CHD9: variants seen among roughly 807,000 people sequenced by gnomAD.
CHD9 encodes ATP-dependent chromatin remodeler CHD9.
In CHD9, 77 loss-of-function variants were observed where a neutral mutation model predicts 316.1. The observed-to-expected ratio is 0.24, with a 90% CI of 0.20 to 0.29. The LOEUF (loss-of-function observed/expected upper bound fraction) is 0.29. CHD9 is among the 10% of genes least tolerant of loss of function. The probability of loss-of-function intolerance (pLI) is 1.00; values close to 1 mark genes in which losing one functional copy is unlikely to be tolerated. For missense variants in CHD9, 2,763 were observed against 3,438.1 expected (o/e 0.80, Z 4.91); for synonymous variants, 1,129 against 1,158.3 (o/e 0.97, Z 0.51).
At chr16:53,138,575 A>G (rs2039884301) in intron 1 of CHD9, among the ~76,000 whole-genome samples, 1 of 152,364 alleles carries the variant, frequency 6.6e-6, no homozygotes, top group South Asian at 2.1e-4. Context: ...GAAGATTCTT[A>G]AAGCACTCAA....
At chr16:53,240,385 A>G (rs758178335) in intron 12 of CHD9, among the ~76,000 whole-genome samples, 1 of 152,186 alleles carries the variant, frequency 6.6e-6, no homozygotes, top group Non-Finnish European at 1.5e-5. Flanking sequence ...TTTGGCATAA[A>G]TATGATAGCC....
chr16:53,270,044 G>T (rs2052085421), intron 22 of CHD9, among the ~76,000 whole-genome samples: 1 of 151,958 alleles, frequency 6.6e-6, no homozygotes, highest in African/African-American at 2.4e-5. Flanking sequence ...TCGTTCTGTT[G>T]CCCAAGCTAG....
At chr16:53,301,678 T>A (rs532485431) in intron 30 of CHD9, among the ~76,000 whole-genome samples, 1 of 152,116 alleles carries the variant, frequency 6.6e-6, no homozygotes, top group East Asian at 1.9e-4. Flanking sequence ...TTTTTTGTTT[T>A]GAACTACTTT....
chr16:53,194,454 G>A (rs1302489053), intron 2 of CHD9, among the ~76,000 whole-genome samples: 1 of 151,998 alleles, frequency 6.6e-6, no homozygotes, highest in Non-Finnish European at 1.5e-5. Context: ...CAGGCCTGTA[G>A]TCTCAGCTAC....
chr16:53,300,755 G>A (rs775524730), intron 30 of CHD9, among the ~76,000 whole-genome samples: 18 of 152,210 alleles, frequency 1.2e-4, no homozygotes, highest in Non-Finnish European at 2.2e-4. Flanking sequence ...AACCAGTGCA[G>A]GCACAGATGC....
intron 1 of CHD9, among the ~76,000 whole-genome samples, chr16:53,075,137 G>A (rs1414451545): frequency 6.6e-6 from 1 of 152,160 alleles, no homozygotes; most frequent in Non-Finnish European, 1.5e-5. Flanking sequence ...AAATTTGACT[G>A]CCCTGATGGA....
rs377261870 is a variant in CHD9 at position 53,242,998 on chromosome 16, C to G, written c.3036C>G (p.Gly1012=). The G allele has an allele frequency of 6.2e-6, 10 of 1,604,966 alleles. No homozygotes were observed. Among genetic ancestry groups the G allele is most frequent in the Admixed American group, 1.7e-5 (1 of 59,350 alleles). Residue 1012 remains glycine (G), a synonymous_variant, in exon 13 of 39, where the codon GGC becomes GGG. Coordinates refer to ENST00000447540, the MANE Select transcript of CHD9 (RefSeq NM_001308319.2). ...LKNKNCKLLE[G]LKLMNLEHKV... is the part of the protein sequence containing the mutation. Reference sequence around the variant, plus strand: ...ATAAAAATTGTAAACTCTTAGAGGGCCTGAAACTCATGAATCTGGTAAGTA... The same window carrying G: ...ATAAAAATTGTAAACTCTTAGAGGGGCTGAAACTCATGAATCTGGTAAGTA...
intron 36 of CHD9, among the ~76,000 whole-genome samples, chr16:53,316,547 A>C (rs186776192): frequency 5.4e-4 from 82 of 152,264 alleles, no homozygotes; most frequent in Admixed American, 1.4e-3. Context: ...AAAGATTTTG[A>C]AAACATATTT....
intron 1 of CHD9, among the ~76,000 whole-genome samples, chr16:53,088,573 C>T (rs1028633856): frequency 2.0e-5 from 3 of 152,016 alleles, no homozygotes; most frequent in Admixed American, 6.5e-5. Context: ...CCACCGCGCC[C>T]GGCCAACATG....
intron 24 of CHD9, among the ~76,000 whole-genome samples, chr16:53,276,375 TG>T (rs2052821057): frequency 6.6e-6 from 1 of 152,222 alleles, no homozygotes; most frequent in Non-Finnish European, 1.5e-5. Context: ...AAACATCTAC[TG>T]TTTAACTGTT....
chr16:53,198,006 A>G (rs1016124195), intron 2 of CHD9, among the ~76,000 whole-genome samples: 13 of 150,600 alleles, frequency 8.6e-5, no homozygotes, highest in Non-Finnish European at 1.5e-4. Flanking sequence ...AATTACGGAA[A>G]CCCTCTCCCT....
At chr16:53,294,564 C>A (rs557317947) in intron 29 of CHD9, among the ~76,000 whole-genome samples, 1 of 152,130 alleles carries the variant, frequency 6.6e-6, no homozygotes, top group Admixed American at 6.5e-5. Flanking sequence ...CTCATTCATA[C>A]GGCTAACAGT....
intron 2 of CHD9, among the ~76,000 whole-genome samples, chr16:53,199,788 A>G (rs2045277483): frequency 6.6e-6 from 1 of 152,188 alleles, no homozygotes; most frequent in Non-Finnish European, 1.5e-5. Flanking sequence ...CTTACCATAA[A>G]ACTGGAATAT....
chr16:53,169,347 A>G (rs1207299854), intron 2 of CHD9: 1 of 152,236 alleles, frequency 6.6e-6, no homozygotes, highest in Non-Finnish European at 1.5e-5. Flanking sequence ...AGCATGAGCC[A>G]TGGCTTCTGG....
At chr16:53,149,864 T>A (rs1253276342) in intron 1 of CHD9, among the ~76,000 whole-genome samples, 1 of 151,678 alleles carries the variant, frequency 6.6e-6, no homozygotes, top group Admixed American at 6.6e-5. Flanking sequence ...TGCAAGGCCC[T>A]CTTGTAACCT....
chr16:53,224,355 T>G (rs945305560), intron 4 of CHD9, among the ~76,000 whole-genome samples: 1 of 152,196 alleles, frequency 6.6e-6, no homozygotes, highest in African/African-American at 2.4e-5. Flanking sequence ...GAATGATACC[T>G]TATTTGGCTT....
At position 53,113,088 on chromosome 16, in the gene CHD9, G is replaced by T. The variant is rs187349843; in HGVS notation, c.-164-42838G>T. 2.0e-5 allele frequency among the ~76,000 whole-genome samples: 3 copies of T among 152,248 alleles called. No individual in the cohort carries two copies. The East Asian group carries it at 5.8e-4, about 29-fold the overall frequency. On this transcript the variant is annotated intron_variant, in intron 1 of 38. Transcript: ENST00000447540. Reference sequence around the variant, plus strand: ...TCTCAGCTACGTTTGGGAGGCTGAGGCATGAGGATCACTTGAGCCTGGGAG... The same window carrying T: ...TCTCAGCTACGTTTGGGAGGCTGAGTCATGAGGATCACTTGAGCCTGGGAG...
intron 1 of CHD9, among the ~76,000 whole-genome samples, chr16:53,074,850 G>C (rs557570554): frequency 6.6e-6 from 1 of 152,360 alleles, no homozygotes; most frequent in African/African-American, 2.4e-5. Flanking sequence ...GGAAATGTGA[G>C]GTTGGAGCCC....
At chr16:53,060,587 A>G (rs1184829741) in intron 1 of CHD9, among the ~76,000 whole-genome samples, 2 of 152,092 alleles carry the variant, frequency 1.3e-5, no homozygotes, top group Non-Finnish European at 2.9e-5. Context: ...GCAAGACCCC[A>G]TATCTACAAA....
Sources: allele counts gnomAD v4.1 joint callset (sites outside exome capture counted in the v4.1 genomes callset), GRCh38; gene constraint gnomAD v4.1.1; transcripts MANE v1.5; gene names NCBI Gene and HGNC (gene_info 2026-07-23, HGNC 2026-07-21).